The following SULT2B1 variants were observed in gnomAD, a reference collection of about 807,000 sequenced individuals.
The protein encoded by SULT2B1 is sulfotransferase family 2B member 1.
SULT2B1 carries 16 observed loss-of-function variants against 33.2 expected under a neutral mutation model. The observed-to-expected ratio is 0.48, with a 90% CI of 0.33 to 0.73. The LOEUF (loss-of-function observed/expected upper bound fraction) is 0.73, where lower values mean the gene tolerates loss of function less well. SULT2B1 is among the 30% of genes least tolerant of loss of function. The pLI is 0.02. For missense variants in SULT2B1, 500 were observed against 506.0 expected (o/e 0.99, Z 0.11); for synonymous variants, 186 against 200.5 (o/e 0.93, Z 0.61).
intron 1 of SULT2B1, among the ~76,000 whole-genome samples, chr19:48,559,764 A>G (rs921654939): frequency 6.6e-6 from 1 of 152,040 alleles, no homozygotes; most frequent in African/African-American, 2.4e-5. Flanking sequence ...GTGGCCAGTT[A>G]CTTACGTGGG....
In SULT2B1 at chr19:48,599,212, CG is replaced by C; in HGVS notation, c.909del (p.Met304CysfsTer?). The C allele has an allele frequency of 2.5e-6, 4 of 1,606,236 alleles. No homozygotes were observed. The highest frequency in any genetic ancestry group is 8.5e-7 in the Non-Finnish European group (1 of 1,177,834). On this transcript the variant is annotated frameshift_variant, in exon 7 of 7. Coordinates refer to ENST00000201586, the MANE Select transcript of SULT2B1 (RefSeq NM_177973.2). LOFTEE classifies it low-confidence loss of function (END_TRUNC). This position sits in a 1 kb window ranked among gnomAD's most constrained non-coding sequence, Gnocchi z 4.1. ...CGATCGTGCCTACCGCAAGCAGATG[CG>C]GGGGATGCCGACCTTCCCCTGGGAT... The part of the protein sequence containing the change: ...AFDRAYRKQM[R>X]GMPTFPWDED...
At chr19:48,573,524 G>C (rs1251668221) in intron 1 of SULT2B1, among the ~76,000 whole-genome samples, 1 of 152,132 alleles carries the variant, frequency 6.6e-6, no homozygotes, top group African/African-American at 2.4e-5. Context: ...ATGTGGGTGG[G>C]GGACAGGGGG....
At chr19:48,591,959 G>A (rs1973649207) in intron 4 of SULT2B1, among the ~76,000 whole-genome samples, 1 of 152,112 alleles carries the variant, frequency 6.6e-6, no homozygotes, top group African/African-American at 2.4e-5. Context: ...GACAGAGACA[G>A]GGAGAGACAC....
chr19:48,587,296 C>G lies in SULT2B1; in HGVS notation c.282C>G (p.Ser94=). 1 of 1,614,012 alleles carries G rather than the reference C, an allele frequency of 6.2e-7. No individual in the cohort carries two copies. The highest frequency in any genetic ancestry group is 8.5e-7 in the Non-Finnish European group (1 of 1,180,000). The change falls in exon 3 of 7, where the codon TCC becomes TCG. Residue 94 remains serine (S), a synonymous_variant. Transcript: ENST00000201586. ...AAGGGGATCCATCCTGGATCCGCTCCGTGCCCATCTGGGAGCGGGCACCCT... is the reference window on the plus strand; with the variant it reads ...AAGGGGATCCATCCTGGATCCGCTCGGTGCCCATCTGGGAGCGGGCACCCT... ...LKEGDPSWIR[S]VPIWERAPWC...
chr19:48,555,512 G>C (rs1479951079), intron 1 of SULT2B1, among the ~76,000 whole-genome samples: 1 of 142,750 alleles, frequency 7.0e-6, no homozygotes, highest in East Asian at 2.0e-4. Context: ...CTCTCTCTTT[G>C]CTTATCTGGC....
chr19:48,582,880 C>T (rs570216775), intron 2 of SULT2B1, among the ~76,000 whole-genome samples: 59 of 148,434 alleles, frequency 4.0e-4, no homozygotes, highest in African/African-American at 1.2e-3. Flanking sequence ...CAGTCAGGCA[C>T]GGTGGCTCAT....
intron 1 of SULT2B1, among the ~76,000 whole-genome samples, chr19:48,573,548 G>A (rs997923964): frequency 6.6e-6 from 1 of 152,058 alleles, no homozygotes; most frequent in Non-Finnish European, 1.5e-5. Context: ...CTGGCTCTGC[G>A]CTCAGGCCCA....
At chr19:48,584,597 G>A (rs1973539135) in intron 2 of SULT2B1, among the ~76,000 whole-genome samples, 1 of 152,236 alleles carries the variant, frequency 6.6e-6, no homozygotes. Flanking sequence ...GTACAAGGTG[G>A]TTGTTAGAAT....
At chr19:48,575,463 AATAT>A (rs71952245) in intron 1 of SULT2B1, 86,869 of 140,736 alleles carry the variant, frequency 0.62, 26,877 homozygotes, top group East Asian at 0.77. Flanking sequence ...TAAAATTAAA[AATAT>A]ATATATATAT....
intron 1 of SULT2B1, among the ~76,000 whole-genome samples, chr19:48,570,599 A>G (rs1262556196): frequency 3.3e-5 from 5 of 152,178 alleles, no homozygotes; most frequent in Non-Finnish European, 7.3e-5. Context: ...AGTGGCTATA[A>G]ACATGAGTGT....
At position 48,592,612 on chromosome 19, in the gene SULT2B1, G is replaced by A. The variant is rs1973657588; in HGVS notation, c.551-110G>A. 5.5e-6 allele frequency: 5 copies of A among 909,442 alleles called. No homozygotes were observed. In the East Asian group the frequency reaches 1.3e-4, roughly 24 times the overall value. 56.3% of individuals were successfully genotyped at this position (909,442 alleles called of 1,614,324 possible). On this transcript the variant is annotated intron_variant, in intron 4 of 6. Transcript: ENST00000201586. ...TCTGGGGGAGGGCATCCAGCTCTGG[G>A]GGCTGGACCTGGGGGTTTGTGGGGC... is the stretch of plus-strand genomic sequence containing the variant.
At chr19:48,579,483 C>T (rs1973456138) in intron 2 of SULT2B1, among the ~76,000 whole-genome samples, 1 of 151,840 alleles carries the variant, frequency 6.6e-6, no homozygotes, top group Non-Finnish European at 1.5e-5. Context: ...GGGGTTTCAC[C>T]GTGTTAGCCA....
intron 1 of SULT2B1, among the ~76,000 whole-genome samples, chr19:48,565,214 C>T (rs913215731): frequency 1.3e-5 from 2 of 152,038 alleles, no homozygotes; most frequent in Admixed American, 6.6e-5. Flanking sequence ...GCATGAGTCA[C>T]GGTGCCCGGC....
At chr19:48,569,726 A>G (rs1261877285) in intron 1 of SULT2B1, among the ~76,000 whole-genome samples, 1 of 150,914 alleles carries the variant, frequency 6.6e-6, no homozygotes, top group East Asian at 2.0e-4. Flanking sequence ...GAGTGCAGTG[A>G]CATGATCCCA....
At chr19:48,588,897 A>C (rs938762680) in intron 3 of SULT2B1, among the ~76,000 whole-genome samples, 3 of 152,132 alleles carry the variant, frequency 2.0e-5, no homozygotes, top group African/African-American at 7.2e-5. Context: ...CCAAGTGAGC[A>C]AGTGGGGAAA....
At chr19:48,593,300 C>T (rs1461334156) in intron 5 of SULT2B1, among the ~76,000 whole-genome samples, 1 of 151,940 alleles carries the variant, frequency 6.6e-6, no homozygotes, top group Non-Finnish European at 1.5e-5. Flanking sequence ...ACCTGTAATC[C>T]CAGCACTTTG....
chr19:48,585,600 C>T (rs62130290), intron 2 of SULT2B1, among the ~76,000 whole-genome samples: 14 of 149,160 alleles, frequency 9.4e-5, no homozygotes, highest in Non-Finnish European at 1.8e-4. Flanking sequence ...AACCGGGAGG[C>T]GGAGGTTGCA....
chr19:48,560,549 T>C (rs577482029), intron 1 of SULT2B1, among the ~76,000 whole-genome samples: 2 of 151,674 alleles, frequency 1.3e-5, no homozygotes, highest in South Asian at 2.1e-4. Flanking sequence ...CGTGAGCCCA[T>C]AGGAAAACAT....
intron 1 of SULT2B1, among the ~76,000 whole-genome samples, chr19:48,570,801 T>C (rs1973314491): frequency 1.3e-5 from 2 of 151,744 alleles, no homozygotes; most frequent in South Asian, 2.1e-4. Context: ...CTCGGCTCAC[T>C]GCAACCTCTG....
Sources: gnomAD v4.1 joint callset for allele counts (sites outside exome capture counted in the v4.1 genomes callset) on GRCh38, gnomAD v4.1.1 for gene constraint, Gnocchi (gnomAD v3.1) non-coding constraint, MANE v1.5 for transcripts, NCBI Gene and HGNC (gene_info 2026-07-23, HGNC 2026-07-21) for gene names.